Variants in AGMO observed in about 807,000 individuals in gnomAD.
AGMO encodes alkylglycerol monooxygenase, also known as glyceryl-ether monooxygenase.
Under a neutral mutation model 60.2 loss-of-function variants are expected in AGMO, and 75 were observed. That is an observed-to-expected ratio of 1.25 (90% CI 1.03 to 1.51). The LOEUF is 1.51. AGMO is among the 40% of genes most tolerant of loss of function. The probability of loss-of-function intolerance (pLI) is 0.00; values close to 1 mark genes in which losing one functional copy is unlikely to be tolerated. For missense variants in AGMO, 763 were observed against 525.5 expected (o/e 1.45, Z -4.42); for synonymous variants, 261 against 177.1 (o/e 1.47, Z -3.76).
rs143806339 is a variant in AGMO at position 15,332,796 on chromosome 7, G to A, written c.1263+32718C>T. ...AATGGCTTATATTTATTAATAAAAT[G>A]AAAATATATTTCACCTTTTTAAATA... is the stretch of plus-strand genomic sequence containing the variant. On this transcript the variant is annotated intron_variant, in intron 12 of 12. Transcript: ENST00000342526. 1.7e-3 allele frequency among the ~76,000 whole-genome samples: 263 copies of A among 152,026 alleles called. 1 individual carries two copies. The highest frequency in any genetic ancestry group is 6.0e-3 in the African/African-American group (249 of 41,470).
In AGMO at chr7:15,344,368, T is replaced by C. The variant is rs145214369; in HGVS notation, c.1263+21146A>G. Among the ~76,000 whole-genome samples the C allele has an allele frequency of 8.7e-4, 132 of 152,150 alleles. 1 individual carries two copies. In the East Asian group the frequency reaches 0.024, roughly 28 times the overall value. On this transcript the variant is annotated intron_variant, in intron 12 of 12. Coordinates refer to ENST00000342526, the MANE Select transcript of AGMO (RefSeq NM_001004320.2). Reference sequence around the variant, plus strand: ...CTAATTGTTTTCAATGTAGATCTGATCTTCATAGTAAAAACATTTTATAAT... The same window carrying C: ...CTAATTGTTTTCAATGTAGATCTGACCTTCATAGTAAAAACATTTTATAAT...
the AGMO span, among the ~76,000 whole-genome samples, chr7:15,138,506 T>C: frequency 1.3e-5 from 2 of 152,168 alleles, no homozygotes; most frequent in Non-Finnish European, 2.9e-5. Context: ...TGATATAAAA[T>C]AAGACTTCAA....
At chr7:15,541,131 G>GT (rs79835437) in intron 3 of AGMO, among the ~76,000 whole-genome samples, 11 of 151,704 alleles carry the variant, frequency 7.3e-5, no homozygotes, top group East Asian at 3.9e-4. Flanking sequence ...GTTTTTGTGG[G>GT]TTTTTTTTGA....
intron 12 of AGMO, among the ~76,000 whole-genome samples, chr7:15,267,415 T>C (rs1027226411): frequency 3.3e-5 from 5 of 152,024 alleles, no homozygotes; most frequent in Admixed American, 2.0e-4. Context: ...TCTCAAATGA[T>C]AATAATCTTT....
intron 12 of AGMO, 129 bp downstream of exon 12, chr7:15,365,385 A>AAAAAAAAAAAAAAAAC: frequency 2.2e-6 from 1 of 451,754 alleles, no homozygotes; most frequent in Admixed American, 4.0e-5. Flanking sequence ...GTAAGTAAAA[A>AAAAAAAAAAAAAAAAC]AAAAAAAAAA....
chr7:15,558,051 G>T (rs184050631), intron 2 of AGMO, among the ~76,000 whole-genome samples: 67 of 150,952 alleles, frequency 4.4e-4, no homozygotes, highest in African/African-American at 1.6e-3. Flanking sequence ...GCTTTTTGGG[G>T]TGTATTTTTT....
intron 3 of AGMO, among the ~76,000 whole-genome samples, chr7:15,533,028 A>T (rs1784407264): frequency 6.6e-6 from 1 of 152,066 alleles, no homozygotes; most frequent in South Asian, 2.1e-4. Context: ...TCTTCCTTAC[A>T]ACTTTAGTGA....
rs188173948 is a variant in AGMO, at chr7:15,386,303, T to G, written c.958-741A>C. Among the ~76,000 whole-genome samples the G allele has an allele frequency of 1.4e-4, 22 of 152,332 alleles. No individual in the cohort carries two copies. In the East Asian group the frequency reaches 4.2e-3, roughly 29 times the overall value. Reference sequence around the variant, plus strand: ...TTATTGGAAACTTTGGAGAAGTTTTTCCAATAGACTACGTTTCTACTCTAG... The same window carrying G: ...TTATTGGAAACTTTGGAGAAGTTTTGCCAATAGACTACGTTTCTACTCTAG... On this transcript the variant is annotated intron_variant, in intron 9 of 12. Coordinates refer to ENST00000342526, the MANE Select transcript of AGMO (RefSeq NM_001004320.2).
rs374130631 is a variant in AGMO at position 15,406,990 on chromosome 7, GTA to G, written c.609+11566_609+11567del. ...TAAGTACACATGTACACATGTGTGTGTATATATATGGAATATACATATATATG... is the reference window on the plus strand; with the variant it reads ...TAAGTACACATGTACACATGTGTGTGTATATATGGAATATACATATATATG... On this transcript the variant is annotated intron_variant, in intron 5 of 12. Transcript: ENST00000342526. 8.3e-3 allele frequency among the ~76,000 whole-genome samples: 1,171 copies of G among 140,292 alleles called. 16 individuals are homozygous for G. Among genetic ancestry groups the G allele is most frequent in the African/African-American group, 0.028 (1,058 of 37,856 alleles). 92.0% of individuals were successfully genotyped at this position (140,292 alleles called of 152,430 possible). A position where few individuals can be genotyped will look rare whatever the true frequency, so the allele number is the denominator to read the frequency against.
At chr7:15,295,114 A>C (rs985505897) in intron 12 of AGMO, among the ~76,000 whole-genome samples, 6 of 151,946 alleles carry the variant, frequency 3.9e-5, no homozygotes, top group African/African-American at 1.4e-4. Flanking sequence ...AAAAACATCC[A>C]TATTGAAATA....
intron 3 of AGMO, among the ~76,000 whole-genome samples, chr7:15,524,905 T>C (rs1034368521): frequency 6.6e-6 from 1 of 151,788 alleles, no homozygotes; most frequent in Non-Finnish European, 1.5e-5. Context: ...TATGTCTTTG[T>C]TTATTTCACA....
intron 12 of AGMO, among the ~76,000 whole-genome samples, chr7:15,355,522 AAAG>A (rs1782495350): frequency 2.0e-5 from 3 of 151,382 alleles, no homozygotes; most frequent in Non-Finnish European, 4.4e-5. Flanking sequence ...AAAAAAAAAA[AAAG>A]AAGGTAAGAT....
chr7:15,377,701 C>A lies in AGMO; in HGVS notation c.1074+7745G>T, dbSNP rs372116583. ...GTTGGATATTTAGACACAGATGACC[C>A]TGGCTTTTCTTTTGGTCTCATTCAA... On this transcript the variant is annotated intron_variant, in intron 10 of 12. Coordinates refer to ENST00000342526, the MANE Select transcript of AGMO (RefSeq NM_001004320.2). Among the ~76,000 whole-genome samples, 103 of 152,108 alleles carry A rather than the reference C, an allele frequency of 6.8e-4. 1 individual carries two copies. Among genetic ancestry groups the A allele is most frequent in the African/African-American group, 2.4e-3 (100 of 41,476 alleles).
At chr7:15,457,409 C>T (rs1474691032) in intron 3 of AGMO, among the ~76,000 whole-genome samples, 4 of 152,268 alleles carry the variant, frequency 2.6e-5, no homozygotes, top group African/African-American at 9.6e-5. Context: ...AACAATTTTT[C>T]TGCAAACTTC....
At chr7:15,235,670 T>C (rs759074527) in intron 12 of AGMO, among the ~76,000 whole-genome samples, 5 of 152,054 alleles carry the variant, frequency 3.3e-5, no homozygotes, top group South Asian at 2.1e-4. Flanking sequence ...AAAATAGAGA[T>C]AGGGATTGTT....
intron 10 of AGMO, among the ~76,000 whole-genome samples, chr7:15,376,914 C>T (rs1783479343): frequency 6.6e-6 from 1 of 151,952 alleles, no homozygotes. Context: ...GTCTCTTACA[C>T]CTTTGTCGTG....
At chr7:15,311,024 T>C (rs1455965745) in intron 12 of AGMO, among the ~76,000 whole-genome samples, 3 of 152,096 alleles carry the variant, frequency 2.0e-5, no homozygotes, top group Non-Finnish European at 4.4e-5. Flanking sequence ...CTGGACAATG[T>C]AGGATGATCT....
chr7:15,136,279 C>T, the AGMO span, among the ~76,000 whole-genome samples: 3 of 152,092 alleles, frequency 2.0e-5, no homozygotes, highest in African/African-American at 7.2e-5. Context: ...AGGCATGAGC[C>T]ACCGCGCCTG....
chr7:15,284,459 TA>T (rs1359810144), intron 12 of AGMO, among the ~76,000 whole-genome samples: 5 of 151,914 alleles, frequency 3.3e-5, no homozygotes, highest in Non-Finnish European at 2.9e-5. Context: ...GCACACAAAC[TA>T]AAAAATCTAG....
Sources: allele counts gnomAD v4.1 joint callset (sites outside exome capture counted in the v4.1 genomes callset), GRCh38; gene constraint gnomAD v4.1.1; transcripts MANE v1.5; gene names NCBI Gene and HGNC (gene_info 2026-07-23, HGNC 2026-07-21).